The following UCHL3 variants were observed in gnomAD, a reference collection of about 807,000 sequenced individuals.
The protein encoded by UCHL3 is ubiquitin C-terminal hydrolase L3.
UCHL3 carries 22 observed loss-of-function variants against 35.8 expected under a neutral mutation model. That is an observed-to-expected ratio of 0.61 (90% CI 0.44 to 0.88). The LOEUF (loss-of-function observed/expected upper bound fraction) is 0.88, where lower values mean the gene tolerates loss of function less well. Ranked by LOEUF, UCHL3 falls within the 40% of genes least tolerant of loss-of-function variation. The pLI is 0.00. For synonymous variants in UCHL3, 90 were observed against 92.8 expected, an observed-to-expected ratio of 0.97 and a Z score of 0.17; for missense variants, 229 against 276.9, an observed-to-expected ratio of 0.83 and a Z score of 1.23.
chr13:75,569,557 A>C (rs1278438883), intron 6 of UCHL3, 50 bp downstream of exon 6: 3 of 1,506,776 alleles, frequency 2.0e-6, no homozygotes, highest in East Asian at 2.3e-5. Flanking sequence ...TAACCATATA[A>C]ATTTCTTGCT....
At chr13:75,575,243 A>G (rs1226662843) in intron 6 of UCHL3, among the ~76,000 whole-genome samples, 1 of 152,198 alleles carries the variant, frequency 6.6e-6, no homozygotes, top group Non-Finnish European at 1.5e-5. Flanking sequence ...TCTCCATCCC[A>G]CCGTGATTGT....
At chr13:75,568,637 C>T (rs1257197663) in intron 5 of UCHL3, among the ~76,000 whole-genome samples, 1 of 151,710 alleles carries the variant, frequency 6.6e-6, no homozygotes. Context: ...TATTGTATTT[C>T]ACCAATAAAT....
upstream of UCHL3, chr13:75,549,655 C>A (rs1566204681): frequency 1.5e-6 from 1 of 686,488 alleles, no homozygotes; most frequent in South Asian, 2.2e-5. Context: ...CGGCCCTGCA[C>A]GGAGCGGTTA....
intron 7 of UCHL3, among the ~76,000 whole-genome samples, chr13:75,595,960 A>AG (rs2032637461): frequency 6.6e-6 from 1 of 152,144 alleles, no homozygotes. Flanking sequence ...GTTTTAAAAA[A>AG]GCCAAATAAA....
chr13:75,603,578 C>CA (rs2032840986), intron 7 of UCHL3, among the ~76,000 whole-genome samples: 2 of 151,852 alleles, frequency 1.3e-5, no homozygotes, highest in African/African-American at 4.8e-5. Context: ...TTTATGTAAA[C>CA]ATTAAAAAAT....
intron 6 of UCHL3, among the ~76,000 whole-genome samples, chr13:75,580,901 T>G (rs887657125): frequency 7.2e-5 from 11 of 152,238 alleles, no homozygotes; most frequent in African/African-American, 2.7e-4. Context: ...TTTTAAAATT[T>G]GAATTTCTGT....
chr13:75,582,097 G>A (rs544936642), intron 6 of UCHL3, among the ~76,000 whole-genome samples: 1 of 144,838 alleles, frequency 6.9e-6, no homozygotes, highest in South Asian at 2.1e-4. Context: ...GTGGCTTTGG[G>A]CAAGTCAAGT....
chr13:75,558,712 C>G (rs1335599925), intron 2 of UCHL3, among the ~76,000 whole-genome samples: 2 of 152,170 alleles, frequency 1.3e-5, no homozygotes. Flanking sequence ...GCTAGGTTAT[C>G]TACTAAAGTA....
chr13:75,598,688 T>G (rs896878944), intron 7 of UCHL3, among the ~76,000 whole-genome samples: 1 of 152,226 alleles, frequency 6.6e-6, no homozygotes, highest in Non-Finnish European at 1.5e-5. Flanking sequence ...GTGCATCATA[T>G]CGAGAGGCAC....
At chr13:75,567,444 T>G (rs909215836) in intron 5 of UCHL3, 132 bp downstream of exon 5, 1 of 734,278 alleles carries the variant, frequency 1.4e-6, no homozygotes, top group Non-Finnish European at 2.2e-6. Flanking sequence ...AAGAAAAGCC[T>G]TTTGTACTTT....
At chr13:75,560,184 A>G (rs1049085184) in intron 2 of UCHL3, among the ~76,000 whole-genome samples, 3 of 152,146 alleles carry the variant, frequency 2.0e-5, no homozygotes, top group Non-Finnish European at 4.4e-5. Context: ...CTATCAATCT[A>G]TCTTTAAACC....
rs2032549084 is a variant in UCHL3, at chr13:75,592,871, T to C, written c.475-2044T>C. ...CATTTGCAATAATGTAGTATTGTTATTGGAGTAATACATAAGGTTTATATA... is the reference window on the plus strand; with the variant it reads ...CATTTGCAATAATGTAGTATTGTTACTGGAGTAATACATAAGGTTTATATA... On this transcript the variant is annotated intron_variant, in intron 6 of 8. Transcript: ENST00000377595. Among the ~76,000 whole-genome samples, 7 of 152,256 alleles carry C rather than the reference T, an allele frequency of 4.6e-5. No individual in the cohort carries two copies. The East Asian group carries it at 1.2e-3, about 25-fold the overall frequency.
intron 6 of UCHL3, among the ~76,000 whole-genome samples, chr13:75,581,513 C>T (rs1211561218): frequency 8.8e-6 from 1 of 113,414 alleles, no homozygotes; most frequent in African/African-American, 3.0e-5. Flanking sequence ...TCACACCTGG[C>T]TAATTTTTTT....
At chr13:75,581,215 A>G (rs925562676) in intron 6 of UCHL3, among the ~76,000 whole-genome samples, 2 of 149,358 alleles carry the variant, frequency 1.3e-5, no homozygotes, top group Non-Finnish European at 3.0e-5. Flanking sequence ...GATATTTTTC[A>G]TAATAATAGT....
intron 6 of UCHL3, among the ~76,000 whole-genome samples, chr13:75,578,459 T>A (rs1048538874): frequency 6.6e-6 from 1 of 152,144 alleles, no homozygotes; most frequent in African/African-American, 2.4e-5. Context: ...ATAACCTGTT[T>A]GAGCACCTAC....
intron 3 of UCHL3, among the ~76,000 whole-genome samples, chr13:75,565,066 T>C (rs1439560739): frequency 6.6e-6 from 1 of 152,240 alleles, no homozygotes; most frequent in African/African-American, 2.4e-5. Context: ...AAAGAGGCTA[T>C]AAATTTTATT....
intron 7 of UCHL3, among the ~76,000 whole-genome samples, chr13:75,596,256 C>A (rs1286607708): frequency 6.6e-6 from 1 of 152,162 alleles, no homozygotes; most frequent in African/African-American, 2.4e-5. Context: ...AAATGTGCAA[C>A]CCTGAGCGTT....
intron 3 of UCHL3, 39 bp downstream of exon 3, chr13:75,560,920 A>G (rs755600800): frequency 2.0e-6 from 3 of 1,479,560 alleles, no homozygotes; most frequent in Non-Finnish European, 2.7e-6. Context: ...TGGTAAATAC[A>G]ATTTTTGTTT....
intron 7 of UCHL3, among the ~76,000 whole-genome samples, chr13:75,603,145 A>G (rs1305718679): frequency 6.6e-6 from 1 of 152,068 alleles, no homozygotes; most frequent in Admixed American, 6.6e-5. Context: ...TTGTGCCACT[A>G]TACCTGGCTA....
Sources: allele counts gnomAD v4.1 joint callset (sites outside exome capture counted in the v4.1 genomes callset), GRCh38; gene constraint gnomAD v4.1.1; transcripts MANE v1.5; gene names NCBI Gene and HGNC (gene_info 2026-07-23, HGNC 2026-07-21).